Variants in FNBP1L observed in about 807,000 individuals in gnomAD.
The protein encoded by FNBP1L is formin binding protein 1 like, also known as formin-binding protein 1-like.
FNBP1L carries 36 observed loss-of-function variants against 91.2 expected under a neutral mutation model. The observed-to-expected ratio is 0.39, with a 90% CI of 0.30 to 0.52. FNBP1L has a LOEUF of 0.52. FNBP1L is among the 20% of genes least tolerant of loss of function. The pLI, the probability that FNBP1L is intolerant of heterozygous loss-of-function variation, is 0.66. For missense variants in FNBP1L, 571 were observed against 732.1 expected (o/e 0.78, Z 2.54); for synonymous variants, 242 against 237.0 (o/e 1.02, Z -0.19).
intron 9 of FNBP1L, 47 bp from the exon 10 acceptor site, chr1:93,536,285 A>G: frequency 7.6e-7 from 1 of 1,320,168 alleles, no homozygotes; most frequent in Admixed American, 3.5e-5. Context: ...TTAGGAGAAA[A>G]CTATGCACAT....
intron 1 of FNBP1L, among the ~76,000 whole-genome samples, chr1:93,461,443 C>T (rs1438144382): frequency 2.0e-5 from 3 of 148,888 alleles, no homozygotes; most frequent in Admixed American, 6.7e-5. Flanking sequence ...CGTGGGTTCA[C>T]GAGATCAACA....
intron 1 of FNBP1L, among the ~76,000 whole-genome samples, chr1:93,486,935 C>T (rs928683721): frequency 1.3e-5 from 2 of 152,182 alleles, no homozygotes; most frequent in Admixed American, 6.5e-5. Context: ...TGACCCCACT[C>T]TTCTCTTTAG....
At chr1:93,512,655 C>T (rs972907751) in intron 2 of FNBP1L, among the ~76,000 whole-genome samples, 1 of 149,146 alleles carries the variant, frequency 6.7e-6, no homozygotes, top group Non-Finnish European at 1.5e-5. Flanking sequence ...AACTGAACAA[C>T]CTGCTCCTGA....
intron 1 of FNBP1L, among the ~76,000 whole-genome samples, chr1:93,485,866 A>T (rs980890908): frequency 1.3e-5 from 2 of 151,742 alleles, no homozygotes; most frequent in African/African-American, 4.8e-5. Context: ...CTGGCTGATT[A>T]TTTTTGTATT....
intron 8 of FNBP1L, 67 bp from the exon 9 acceptor site, chr1:93,534,628 TACTGAAAAAG>T: frequency 1.1e-6 from 1 of 891,620 alleles, no homozygotes; most frequent in Non-Finnish European, 1.7e-6. Flanking sequence ...TGTTTTTTTG[TACTGAAAAAG>T]TTATGAAAGC....
intron 1 of FNBP1L, among the ~76,000 whole-genome samples, chr1:93,455,437 C>T (rs1668631340): frequency 6.6e-6 from 1 of 152,220 alleles, no homozygotes; most frequent in Non-Finnish European, 1.5e-5. Context: ...GACTTTCCTC[C>T]CTCAGCCTCC....
chr1:93,519,899 G>A (rs939468355), intron 2 of FNBP1L, among the ~76,000 whole-genome samples: 1 of 152,168 alleles, frequency 6.6e-6, no homozygotes, highest in Non-Finnish European at 1.5e-5. Context: ...GCTACAGTGA[G>A]CTATGGTTGC....
At chr1:93,549,215 T>G (rs1672328587) in intron 14 of FNBP1L, 63 bp from the exon 15 acceptor site, 1 of 1,343,318 alleles carries the variant, frequency 7.4e-7, no homozygotes, top group Non-Finnish European at 1.0e-6. Context: ...GATCAATTTA[T>G]AAATAATATA....
chr1:93,481,805 GA>G (rs1377273378), intron 1 of FNBP1L, among the ~76,000 whole-genome samples: 1 of 152,030 alleles, frequency 6.6e-6, no homozygotes, highest in South Asian at 2.1e-4. Flanking sequence ...TAAAAATTGG[GA>G]AAAAAAGGAA....
intron 2 of FNBP1L, among the ~76,000 whole-genome samples, chr1:93,508,443 T>C (rs1019375026): frequency 6.6e-6 from 1 of 152,188 alleles, no homozygotes; most frequent in Admixed American, 6.5e-5. Context: ...GACAGTGCTG[T>C]AGTTTTTCAG....
At chr1:93,529,089 C>T (rs1196116083) in intron 5 of FNBP1L, among the ~76,000 whole-genome samples, 1 of 151,884 alleles carries the variant, frequency 6.6e-6, no homozygotes, top group African/African-American at 2.4e-5. Context: ...GCTCCATATA[C>T]CCAAGCTACA....
rs1252761260 is a variant in FNBP1L at position 93,552,283 on chromosome 1, G to A, written c.1811-126G>A. ...TTTGCCCATGTTTTAAATTTTCCTG[G>A]TGTTTTCGGTAGCTGACTATAAAAT... On this transcript the variant is annotated intron_variant, in intron 16 of 16. Transcript: ENST00000271234. 112 of 1,466,158 alleles carry A rather than the reference G, an allele frequency of 7.6e-5. 1 individual carries two copies. In the Admixed American group the frequency reaches 2.7e-3, roughly 36 times the overall value. The allele number at this position is 1,466,158 out of a possible 1,614,324, so 90.8% of individuals were successfully genotyped here.
rs182056275 is a variant in FNBP1L, at chr1:93,500,468, G to A, written c.140+885G>A. 1.9e-3 allele frequency among the ~76,000 whole-genome samples: 291 copies of A among 151,608 alleles called. 2 individuals are homozygous for A. The highest frequency in any genetic ancestry group is 6.8e-3 in the African/African-American group (280 of 40,938). Reference sequence around the variant, plus strand: ...ACCTTTGGGGAGAAAGGAAGGGAGGGAAAGAGGAAGTGGGGGAATGGAAGA... The same window carrying A: ...ACCTTTGGGGAGAAAGGAAGGGAGGAAAAGAGGAAGTGGGGGAATGGAAGA... On this transcript the variant is annotated intron_variant, in intron 2 of 16. Transcript: ENST00000271234.
intron 11 of FNBP1L, among the ~76,000 whole-genome samples, chr1:93,542,806 G>C (rs1026056766): frequency 7.1e-6 from 1 of 141,236 alleles, no homozygotes; most frequent in Non-Finnish European, 1.5e-5. Context: ...TTTAAAAGAC[G>C]GAGTCTCGCT....
At chr1:93,468,294 T>C (rs1669158641) in intron 1 of FNBP1L, among the ~76,000 whole-genome samples, 2 of 152,244 alleles carry the variant, frequency 1.3e-5, no homozygotes, top group Non-Finnish European at 2.9e-5. Flanking sequence ...GTTCTTTTTT[T>C]TTTAACTGAA....
In FNBP1L at chr1:93,467,995, T is replaced by C. The variant is rs146644352; in HGVS notation, c.24+19690T>C. Among the ~76,000 whole-genome samples, 293 of 152,324 alleles carry C rather than the reference T, an allele frequency of 1.9e-3. 2 individuals carry two copies. The highest frequency in any genetic ancestry group is 6.7e-3 in the African/African-American group (279 of 41,574). On this transcript the variant is annotated intron_variant, in intron 1 of 16. Transcript: ENST00000271234. ...TGCTTCTCTCCTCCCCACAATTCCT[T>C]TGTGCTTGCCCTAGTCATCCCCTCT...
chr1:93,505,110 C>CTTT (rs61426757), intron 2 of FNBP1L, among the ~76,000 whole-genome samples: 2,618 of 125,160 alleles, frequency 0.021, 150 homozygotes, highest in African/African-American at 0.075. Context: ...CAGCTTCATT[C>CTTT]TTTTTTTTTT....
intron 3 of FNBP1L, among the ~76,000 whole-genome samples, 190 bp downstream of exon 3, chr1:93,522,325 A>G (rs1186604285): frequency 2.6e-5 from 4 of 152,140 alleles, no homozygotes; most frequent in Non-Finnish European, 4.4e-5. Flanking sequence ...GGCTTGATCA[A>G]CAGTTTTCTA....
At chr1:93,452,472 C>T (rs561074103) in intron 1 of FNBP1L, among the ~76,000 whole-genome samples, 2 of 152,282 alleles carry the variant, frequency 1.3e-5, no homozygotes, top group East Asian at 3.9e-4. Context: ...GGTGAATTTA[C>T]TTGATTGATA....
Sources: allele counts gnomAD v4.1 joint callset (sites outside exome capture counted in the v4.1 genomes callset), GRCh38; gene constraint gnomAD v4.1.1; transcripts MANE v1.5; gene names NCBI Gene and HGNC (gene_info 2026-07-23, HGNC 2026-07-21).